Variants in ARHGAP26 observed in about 807,000 individuals in gnomAD.
ARHGAP26 encodes Rho GTPase activating protein 26, also known as rho GTPase-activating protein 26.
A neutral mutation model predicts 104.8 loss-of-function variants in ARHGAP26; 38 were observed. The observed-to-expected ratio is 0.36, with a 90% CI of 0.28 to 0.48. ARHGAP26 has a LOEUF of 0.48. ARHGAP26 is among the 20% of genes least tolerant of loss of function. The pLI is 0.99. For missense variants in ARHGAP26, 704 were observed against 947.9 expected (o/e 0.74, Z 3.38); for synonymous variants, 341 against 340.0 (o/e 1.00, Z -0.03).
intron 1 of ARHGAP26, among the ~76,000 whole-genome samples, chr5:142,810,759 T>G (rs1311232633): frequency 6.6e-6 from 1 of 152,220 alleles, no homozygotes; most frequent in East Asian, 1.9e-4. Flanking sequence ...GTGGGAGTGC[T>G]TGTTCTTTTT....
chr5:143,108,389 C>T (rs909283600), intron 17 of ARHGAP26, among the ~76,000 whole-genome samples: 6 of 152,206 alleles, frequency 3.9e-5, no homozygotes, highest in Non-Finnish European at 5.9e-5. Flanking sequence ...CATGGGGTCT[C>T]AGCTCTTGTA....
intron 20 of ARHGAP26, among the ~76,000 whole-genome samples, chr5:143,168,364 A>G (rs1196594741): frequency 6.9e-6 from 1 of 145,604 alleles, no homozygotes; most frequent in Non-Finnish European, 1.5e-5. Context: ...AATTTATTTC[A>G]TGTAATTGAC....
intron 11 of ARHGAP26, among the ~76,000 whole-genome samples, chr5:143,001,718 TC>T (rs1013019195): frequency 2.0e-5 from 3 of 152,316 alleles, no homozygotes; most frequent in Non-Finnish European, 4.4e-5. Context: ...AATCTACAGT[TC>T]CATTTTAGAA....
intron 1 of ARHGAP26, among the ~76,000 whole-genome samples, chr5:142,856,919 C>CAA (rs1203965229): frequency 6.6e-6 from 1 of 152,214 alleles, no homozygotes; most frequent in Non-Finnish European, 1.5e-5. Context: ...TGGCATAAAA[C>CAA]AACAGAAATG....
At chr5:143,191,907 C>T (rs1311000793) in intron 20 of ARHGAP26, among the ~76,000 whole-genome samples, 1 of 152,352 alleles carries the variant, frequency 6.6e-6, no homozygotes, top group African/African-American at 2.4e-5. Context: ...GTCGTGACAA[C>T]ACCAGAATGA....
At chr5:142,842,721 C>A (rs1771059431) in intron 1 of ARHGAP26, among the ~76,000 whole-genome samples, 1 of 152,130 alleles carries the variant, frequency 6.6e-6, no homozygotes, top group Non-Finnish European at 1.5e-5. Flanking sequence ...GGCCAATTTC[C>A]CATTTGTAAA....
intron 19 of ARHGAP26, among the ~76,000 whole-genome samples, chr5:143,142,224 C>T (rs947449757): frequency 1.4e-5 from 2 of 141,740 alleles, no homozygotes; most frequent in African/African-American, 2.7e-5. Context: ...CTGCAACCTT[C>T]GCCTCCCGGG....
At chr5:142,831,990 C>G (rs1035497760) in intron 1 of ARHGAP26, among the ~76,000 whole-genome samples, 1 of 152,140 alleles carries the variant, frequency 6.6e-6, no homozygotes, top group South Asian at 2.1e-4. Context: ...ACAGGTTTGG[C>G]CATATCATAT....
chr5:142,922,032 G>A (rs1300207174), intron 10 of ARHGAP26: 1 of 152,054 alleles, frequency 6.6e-6, no homozygotes, highest in Non-Finnish European at 1.5e-5. Flanking sequence ...AGGTGCATTC[G>A]GGTTATATGT....
intron 20 of ARHGAP26, among the ~76,000 whole-genome samples, chr5:143,160,363 T>C (rs1398333308): frequency 6.6e-6 from 1 of 150,950 alleles, no homozygotes. Flanking sequence ...CTGGCCAAGA[T>C]TTTTCTTTTT....
At chr5:142,935,223 G>A (rs1474013659) in intron 11 of ARHGAP26, among the ~76,000 whole-genome samples, 1 of 152,124 alleles carries the variant, frequency 6.6e-6, no homozygotes. Context: ...ATTTGGAGTT[G>A]GTTTCCTCTT....
chr5:142,969,645 G>A (rs183939755), intron 11 of ARHGAP26, among the ~76,000 whole-genome samples: 30 of 152,310 alleles, frequency 2.0e-4, no homozygotes, highest in Middle Eastern at 3.4e-3. Flanking sequence ...TATTAGAAAT[G>A]CTTATTGTAC....
At chr5:142,842,043 T>C (rs927038190) in intron 1 of ARHGAP26, among the ~76,000 whole-genome samples, 2 of 152,204 alleles carry the variant, frequency 1.3e-5, no homozygotes, top group African/African-American at 4.8e-5. Context: ...CATTTTCCCT[T>C]GTACAAGCCT....
In ARHGAP26 at chr5:142,871,923, C is replaced by T. The variant is rs532092385; in HGVS notation, c.155-1477C>T. Reference sequence around the variant, plus strand: ...TGCCTTCTTTTGGTGTAGAGCAGAGCGCTTTGGACAAACCGCAGCTATCTC... The same window carrying T: ...TGCCTTCTTTTGGTGTAGAGCAGAGTGCTTTGGACAAACCGCAGCTATCTC... On this transcript the variant is annotated intron_variant, in intron 1 of 22. Coordinates refer to ENST00000645722, the MANE Select transcript of ARHGAP26 (RefSeq NM_001135608.3). This position sits in a 1 kb window ranked among gnomAD's most constrained non-coding sequence, Gnocchi z 4.1. Among the ~76,000 whole-genome samples the T allele has an allele frequency of 1.3e-5, 2 of 152,264 alleles. No individual in the cohort carries two copies. Among genetic ancestry groups the T allele is most frequent in the African/African-American group, 4.8e-5 (2 of 41,538 alleles).
Position 142,770,621 on chromosome 5 carries a change from C to G in ARHGAP26, c.-141C>G, listed in dbSNP as rs1273688278. Reference sequence around the variant, plus strand: ...GTCTTGCGCGCCGGCGGACACCGCGCGCGGAGTGAGCCAGCGCCACACCTG... The same window carrying G: ...GTCTTGCGCGCCGGCGGACACCGCGGGCGGAGTGAGCCAGCGCCACACCTG... On this transcript the variant is annotated 5_prime_UTR_variant, in exon 1 of 23. Coordinates refer to ENST00000645722, the MANE Select transcript of ARHGAP26 (RefSeq NM_001135608.3). 6 of 523,364 alleles carry G rather than the reference C, an allele frequency of 1.1e-5. No homozygotes were observed. The highest frequency in any genetic ancestry group is 1.5e-5 in the Non-Finnish European group (6 of 397,146). 32.4% of individuals were successfully genotyped at this position (523,364 alleles called of 1,614,324 possible). A position where few individuals can be genotyped will look rare whatever the true frequency, so the allele number is the denominator to read the frequency against.
chr5:143,144,383 C>T (rs773709828), intron 19 of ARHGAP26, among the ~76,000 whole-genome samples: 1 of 151,924 alleles, frequency 6.6e-6, no homozygotes, highest in Non-Finnish European at 1.5e-5. Context: ...AGTGACATTA[C>T]GGGATCATTT....
At chr5:142,878,982 C>A (rs1489492669) in intron 3 of ARHGAP26, among the ~76,000 whole-genome samples, 4 of 152,148 alleles carry the variant, frequency 2.6e-5, no homozygotes, top group Non-Finnish European at 4.4e-5. Context: ...TTGTTTTTAA[C>A]CTAGACTCAG....
At chr5:142,951,203 G>A (rs559070673) in intron 11 of ARHGAP26, among the ~76,000 whole-genome samples, 53 of 152,260 alleles carry the variant, frequency 3.5e-4, no homozygotes, top group African/African-American at 1.3e-3. Flanking sequence ...GAGATTACAG[G>A]CATGTACCAC....
intron 11 of ARHGAP26, among the ~76,000 whole-genome samples, chr5:142,981,049 T>G (rs1773871787): frequency 6.6e-6 from 1 of 152,226 alleles, no homozygotes; most frequent in Non-Finnish European, 1.5e-5. Context: ...CAGTACCATC[T>G]TTTGGCCATG....
Sources: allele counts gnomAD v4.1 joint callset (sites outside exome capture counted in the v4.1 genomes callset), GRCh38; gene constraint gnomAD v4.1.1; non-coding constraint Gnocchi (gnomAD v3.1); transcripts MANE v1.5; gene names NCBI Gene and HGNC (gene_info 2026-07-23, HGNC 2026-07-21).